The following DENND1A variants were observed in gnomAD, a reference collection of about 807,000 sequenced individuals.
DENND1A encodes the protein DENN domain containing 1A, also known as DENN domain-containing protein 1A.
Under a neutral mutation model 113.7 loss-of-function variants are expected in DENND1A, and 51 were observed. The observed-to-expected ratio is 0.45, with a 90% CI of 0.36 to 0.57. DENND1A has a LOEUF of 0.57. Among genes scored for constraint, DENND1A ranks in the 20% least tolerant of loss-of-function variants. The pLI, the probability that DENND1A is intolerant of heterozygous loss-of-function variation, is 0.00. For missense variants in DENND1A, 1,258 were observed against 1,395.9 expected, an observed-to-expected ratio of 0.90 and a Z score of 1.57; for synonymous variants, 565 against 570.8, an observed-to-expected ratio of 0.99 and a Z score of 0.14.
intron 5 of DENND1A, among the ~76,000 whole-genome samples, chr9:123,756,286 A>G (rs1420896123): frequency 6.6e-6 from 1 of 152,180 alleles, no homozygotes; most frequent in Non-Finnish European, 1.5e-5. Flanking sequence ...CCTTAAACCC[A>G]TATTGTTCAA....
At position 123,678,525 on chromosome 9, in the gene DENND1A, C is replaced by T. The variant is rs866623262; in HGVS notation, c.303-1736G>A. Among the ~76,000 whole-genome samples, 12 of 152,112 alleles carry T rather than the reference C, an allele frequency of 7.9e-5. No homozygotes were observed. In the South Asian group the frequency reaches 8.3e-4, roughly 11 times the overall value. ...ACCGACAGATATGGACACGAGGTAGCGCACAGATGTGATATCCTGCCAGGG... is the reference window on the plus strand; with the variant it reads ...ACCGACAGATATGGACACGAGGTAGTGCACAGATGTGATATCCTGCCAGGG... On this transcript the variant is annotated intron_variant, in intron 5 of 23. Transcript: ENST00000394215.
At chr9:123,618,511 C>T (rs1310651923) in intron 10 of DENND1A, among the ~76,000 whole-genome samples, 2 of 152,158 alleles carry the variant, frequency 1.3e-5, no homozygotes, top group Non-Finnish European at 2.9e-5. Context: ...GAAACTAGGG[C>T]AGGGGAGGCG....
intron 13 of DENND1A, among the ~76,000 whole-genome samples, chr9:123,473,640 T>C (rs942187103): frequency 1.3e-5 from 2 of 152,152 alleles, no homozygotes; most frequent in Non-Finnish European, 2.9e-5. Flanking sequence ...GTTCCTCTTG[T>C]GTAGGAAGCA....
chr9:123,456,233 T>C (rs1226874300), intron 15 of DENND1A, among the ~76,000 whole-genome samples: 1 of 152,162 alleles, frequency 6.6e-6, no homozygotes, highest in Non-Finnish European at 1.5e-5. Flanking sequence ...TAGTCCAGAA[T>C]AGACACACAC....
chr9:123,910,537 T>C (rs1202700902), intron 1 of DENND1A, among the ~76,000 whole-genome samples: 1 of 152,202 alleles, frequency 6.6e-6, no homozygotes, highest in Non-Finnish European at 1.5e-5. Context: ...CAAACAAAAG[T>C]ATATTCATGG....
intron 19 of DENND1A, among the ~76,000 whole-genome samples, chr9:123,420,014 A>C (rs1320643359): frequency 2.6e-5 from 4 of 152,184 alleles, no homozygotes; most frequent in Non-Finnish European, 5.9e-5. Context: ...AAATGTGGGG[A>C]TCCTGAGGCC....
intron 2 of DENND1A, among the ~76,000 whole-genome samples, chr9:123,802,768 T>C (rs961974209): frequency 1.3e-5 from 2 of 152,058 alleles, no homozygotes; most frequent in African/African-American, 2.4e-5. Context: ...AATGGCGCGA[T>C]CTCGGCTCAC....
chr9:123,412,069 C>T (rs1014650648), intron 19 of DENND1A, among the ~76,000 whole-genome samples: 6 of 152,356 alleles, frequency 3.9e-5, no homozygotes, highest in Admixed American at 1.3e-4. Flanking sequence ...CTCCCAGCTC[C>T]GCCCTCCACC....
At chr9:123,569,144 G>A (rs919207074) in intron 12 of DENND1A, among the ~76,000 whole-genome samples, 4 of 152,074 alleles carry the variant, frequency 2.6e-5, no homozygotes, top group African/African-American at 4.8e-5. Flanking sequence ...TCTTTGTTAC[G>A]ACAAATATTA....
intron 2 of DENND1A, among the ~76,000 whole-genome samples, chr9:123,831,881 G>T (rs1050787647): frequency 7.2e-5 from 11 of 152,108 alleles, no homozygotes; most frequent in African/African-American, 2.7e-4. Context: ...TACTCGGGAG[G>T]CTGAGGCAGG....
At chr9:123,621,255 G>A (rs1184058334) in intron 10 of DENND1A, among the ~76,000 whole-genome samples, 1 of 148,696 alleles carries the variant, frequency 6.7e-6, no homozygotes, top group East Asian at 2.0e-4. Flanking sequence ...GCACGATCTT[G>A]GCTCACTGTA....
At chr9:123,622,974 C>T (rs2061029379) in intron 10 of DENND1A, among the ~76,000 whole-genome samples, 1 of 152,190 alleles carries the variant, frequency 6.6e-6, no homozygotes, top group African/African-American at 2.4e-5. Context: ...AGGAATGGCA[C>T]AGATCTAAAG....
chr9:123,660,986 C>T (rs962076736), intron 8 of DENND1A, among the ~76,000 whole-genome samples: 3 of 152,186 alleles, frequency 2.0e-5, no homozygotes, highest in Admixed American at 6.5e-5. Context: ...AAATATCCTA[C>T]GATGTATAAA....
chr9:123,683,207 G>T (rs2064585310), intron 5 of DENND1A, among the ~76,000 whole-genome samples: 1 of 152,144 alleles, frequency 6.6e-6, no homozygotes, highest in Admixed American at 6.6e-5. Context: ...CAGAGTTGAG[G>T]CAAAGTCACT....
At chr9:123,721,093 A>G (rs964536363) in intron 5 of DENND1A, among the ~76,000 whole-genome samples, 1 of 152,142 alleles carries the variant, frequency 6.6e-6, no homozygotes, top group Non-Finnish European at 1.5e-5. Context: ...CTCTGCCCCA[A>G]TGCAGATCCC....
chr9:123,824,340 C>A (rs910045776), intron 2 of DENND1A, among the ~76,000 whole-genome samples: 5 of 152,120 alleles, frequency 3.3e-5, no homozygotes, highest in African/African-American at 1.2e-4. Flanking sequence ...CAATCACTTG[C>A]CAACAATAGA....
intron 19 of DENND1A, among the ~76,000 whole-genome samples, chr9:123,420,562 G>A (rs563672661): frequency 9.2e-5 from 14 of 152,286 alleles, no homozygotes; most frequent in East Asian, 3.9e-4. Context: ...GACTCTCTCC[G>A]GCTGGGTCCG....
intron 2 of DENND1A, among the ~76,000 whole-genome samples, chr9:123,832,422 T>C (rs925104660): frequency 6.6e-6 from 1 of 152,174 alleles, no homozygotes; most frequent in African/African-American, 2.4e-5. Context: ...ACACAGCAGA[T>C]GAGGATGCAA....
At chr9:123,726,696 A>G (rs1489628329) in intron 5 of DENND1A, among the ~76,000 whole-genome samples, 1 of 152,254 alleles carries the variant, frequency 6.6e-6, no homozygotes, top group Non-Finnish European at 1.5e-5. Context: ...TGGTGAAAAA[A>G]ACAGCAAGTG....
Sources: gnomAD v4.1 joint callset for allele counts (sites outside exome capture counted in the v4.1 genomes callset) on GRCh38, gnomAD v4.1.1 for gene constraint, MANE v1.5 for transcripts, NCBI Gene and HGNC (gene_info 2026-07-23, HGNC 2026-07-21) for gene names.